COPG2: variants seen among roughly 807,000 people sequenced by gnomAD.
COPG2 encodes the protein coatomer subunit gamma-2.
A neutral mutation model predicts 46.3 loss-of-function variants in COPG2; 37 were observed. That is an observed-to-expected ratio of 0.80 (90% CI 0.61 to 1.05). COPG2 has a LOEUF of 1.05. Among genes scored for constraint, COPG2 ranks in the 50% least tolerant of loss-of-function variants. COPG2 has a pLI of 0.00. For synonymous variants in COPG2, 159 were observed against 129.7 expected (o/e 1.23, Z -1.53); for missense variants, 427 against 387.8 (o/e 1.10, Z -0.85).
At chr7:130,595,244 A>G (rs940101732) in intron 9 of COPG2, among the ~76,000 whole-genome samples, 1 of 152,250 alleles carries the variant, frequency 6.6e-6, no homozygotes, top group Non-Finnish European at 1.5e-5. Context: ...ATACTAAATG[A>G]AAGAAGCCAG....
intron 9 of COPG2, among the ~76,000 whole-genome samples, chr7:130,585,104 G>A (rs1794238752): frequency 6.6e-6 from 1 of 151,982 alleles, no homozygotes; most frequent in Admixed American, 6.6e-5. Context: ...GCAAGGTACT[G>A]GTATAAAAAC....
chr7:130,626,560 T>C (rs538932699), intron 5 of COPG2, among the ~76,000 whole-genome samples: 2 of 152,212 alleles, frequency 1.3e-5, no homozygotes, highest in South Asian at 4.1e-4. Flanking sequence ...ATGAATACTC[T>C]TAGTCTATAA....
chr7:130,617,033 A>C lies in COPG2; in HGVS notation c.356T>G (p.Val119Gly). 2 of 1,611,198 alleles carry C rather than the reference A, an allele frequency of 1.2e-6. No homozygotes were observed. Among genetic ancestry groups the C allele is most frequent in the South Asian group, 1.1e-5 (1 of 90,776 alleles). The change falls in exon 6 of 24, where the codon GTA (valine) becomes GGA (glycine). Residue 119 changes from valine (V) to glycine (G), a missense_variant. Transcript: ENST00000425248. The stretch of plus-strand genomic sequence containing the variant: ...AGCTCTGATGGCCGGGCCTCGGTAT[A>C]CATCTTCTTTTCCAGTCATGTCTTT... The part of the protein sequence containing the change: ...LTKDMTGKED[V>G]YRGPAIRALC...
intron 5 of COPG2, among the ~76,000 whole-genome samples, chr7:130,637,691 T>A (rs193066817): frequency 1.3e-5 from 2 of 152,226 alleles, no homozygotes; most frequent in East Asian, 3.9e-4. Context: ...CTCTGAGGAG[T>A]TTGTTATTAC....
intron 4 of COPG2, 28 bp downstream of exon 4, chr7:130,662,939 A>G: frequency 7.2e-7 from 1 of 1,389,056 alleles, no homozygotes; most frequent in South Asian, 1.3e-5. Flanking sequence ...GAGGTTTTTC[A>G]TCGTAAAAAA....
chr7:130,520,240 T>C (rs981557578), intron 20 of COPG2, among the ~76,000 whole-genome samples: 1 of 152,148 alleles, frequency 6.6e-6, no homozygotes, highest in Non-Finnish European at 1.5e-5. Flanking sequence ...TAGCAGTAAG[T>C]ATGATGTTAA....
chr7:130,631,748 T>C (rs1795237407), intron 5 of COPG2, among the ~76,000 whole-genome samples: 1 of 135,566 alleles, frequency 7.4e-6, no homozygotes, highest in South Asian at 2.3e-4. Context: ...CTAAATTCTT[T>C]TCTTTAAGCA....
chr7:130,662,927 A>G (rs1554460965), intron 4 of COPG2, 40 bp downstream of exon 4: 3 of 1,183,166 alleles, frequency 2.5e-6, no homozygotes, highest in South Asian at 2.7e-5. Context: ...AATAAATAAA[A>G]GGAGGTTTTT....
chr7:130,632,855 A>G (rs782454964), intron 5 of COPG2, among the ~76,000 whole-genome samples: 11 of 152,046 alleles, frequency 7.2e-5, no homozygotes, highest in Non-Finnish European at 1.5e-4. Context: ...TCAACCTGTC[A>G]TCTACATTAG....
Position 130,555,053 on chromosome 7 carries a change from T to C in COPG2, c.1208A>G (p.Asn403Ser), listed in dbSNP as rs1048074944. The C allele has an allele frequency of 7.5e-6, 3 of 398,384 alleles. No individual in the cohort carries two copies. The highest frequency in any genetic ancestry group is 4.4e-6 in the Non-Finnish European group (1 of 226,012). 24.7% of individuals were successfully genotyped at this position (398,384 alleles called of 1,614,324 possible). ...TCTACCTACATCATCTCGGAGCATGTTGGAGAGGAAAGTCATCATGACACT... is the reference window on the plus strand; with the variant it reads ...TCTACCTACATCATCTCGGAGCATGCTGGAGAGGAAAGTCATCATGACACT... ...KHSVMMTFLS[N>S]MLRDDGGFEY... The change falls in exon 13 of 24, where the codon AAC (asparagine) becomes AGC (serine). Residue 403 changes from asparagine (N) to serine (S), a missense_variant. Asn to Ser is a conservative substitution (Grantham distance 46). Coordinates refer to ENST00000425248, the MANE Select transcript of COPG2 (RefSeq NM_012133.6).
intron 5 of COPG2, among the ~76,000 whole-genome samples, chr7:130,643,573 A>G (rs1434644509): frequency 1.3e-5 from 2 of 152,186 alleles, no homozygotes; most frequent in Non-Finnish European, 2.9e-5. Flanking sequence ...CTTTTAACTC[A>G]AGGCCAAGCT....
In COPG2 at chr7:130,667,532, T is replaced by C. The variant is rs187936604; in HGVS notation, c.40A>G (p.Ser14Gly). 6 of 1,612,938 alleles carry C rather than the reference T, an allele frequency of 3.7e-6. No homozygotes were observed. The South Asian group carries it at 4.4e-5, about 12-fold the overall frequency. Residue 14 changes from serine to glycine, a missense_variant and splice_region_variant, in exon 2 of 24, where the codon AGT (serine) becomes GGT (glycine). Coordinates refer to ENST00000425248, the MANE Select transcript of COPG2 (RefSeq NM_012133.6). ...KFDKKDEESGSGSNPFQHLEK... is the reference protein window; with the variant it reads ...KFDKKDEESGGGSNPFQHLEK... The stretch of plus-strand genomic sequence containing the variant: ...AGATGCTGGAAAGGATTGGAGCCAC[T>C]ACCTATTTATAAAACAAAACAAAAA...
intron 9 of COPG2, among the ~76,000 whole-genome samples, chr7:130,569,837 A>C (rs1321771433): frequency 6.6e-6 from 1 of 152,228 alleles, no homozygotes; most frequent in Non-Finnish European, 1.5e-5. Context: ...ATTCAACAGC[A>C]TATCAAAAAG....
chr7:130,603,742 AAAAAT>A, intron 9 of COPG2: 1 of 393,726 alleles, frequency 2.5e-6, no homozygotes. Context: ...AAAAAAAAAA[AAAAAT>A]TTGCGGCAAT....
chr7:130,521,393 A>G (rs1799721985), intron 20 of COPG2, among the ~76,000 whole-genome samples: 1 of 152,224 alleles, frequency 6.6e-6, no homozygotes, highest in South Asian at 2.1e-4. Context: ...AGTTCAGCAC[A>G]GTATGCTGGA....
intron 9 of COPG2, chr7:130,604,679 C>A (rs782353712): frequency 2.0e-6 from 1 of 505,278 alleles, no homozygotes. Flanking sequence ...ACTTATTGCA[C>A]AAAGTAAGCC....
At chr7:130,524,536 G>A (rs1799756187) in intron 20 of COPG2, among the ~76,000 whole-genome samples, 1 of 152,088 alleles carries the variant, frequency 6.6e-6, no homozygotes, top group African/African-American at 2.4e-5. Flanking sequence ...AGGCAATGGA[G>A]CCCAGCAGCT....
chr7:130,582,531 A>C (rs1484450364), intron 9 of COPG2, among the ~76,000 whole-genome samples: 1 of 151,816 alleles, frequency 6.6e-6, no homozygotes, highest in Non-Finnish European at 1.5e-5. Flanking sequence ...TCAGCACAGC[A>C]AAAGAAACTA....
chr7:130,516,681 T>C (rs1164095636), intron 20 of COPG2, among the ~76,000 whole-genome samples: 1 of 152,034 alleles, frequency 6.6e-6, no homozygotes, highest in Non-Finnish European at 1.5e-5. Context: ...ATGGGAATAT[T>C]AGGAAATGAG....
Sources: gnomAD v4.1 joint callset for allele counts (sites outside exome capture counted in the v4.1 genomes callset) on GRCh38, gnomAD v4.1.1 for gene constraint, MANE v1.5 for transcripts, NCBI Gene and HGNC (gene_info 2026-07-23, HGNC 2026-07-21) for gene names.